NLRP2: variants seen among roughly 807,000 people sequenced by gnomAD.
NLRP2 encodes NACHT, LRR and PYD domains-containing protein 2.
Under a neutral mutation model 97.2 loss-of-function variants are expected in NLRP2, and 107 were observed. That is an observed-to-expected ratio of 1.10 (90% CI 0.94 to 1.29). The LOEUF is 1.29. Ranked by LOEUF, NLRP2 falls within the 50% of genes most tolerant of loss-of-function variation. NLRP2 has a pLI of 0.00. For missense variants in NLRP2, 1,495 were observed against 1,330.3 expected, an observed-to-expected ratio of 1.12 and a Z score of -1.93; for synonymous variants, 663 against 551.5, an observed-to-expected ratio of 1.20 and a Z score of -2.83.
At chr19:54,987,300 C>G (rs1216670388) in intron 8 of NLRP2, among the ~76,000 whole-genome samples, 2 of 152,190 alleles carry the variant, frequency 1.3e-5, no homozygotes, top group Non-Finnish European at 2.9e-5. Context: ...AAGAACCCTT[C>G]AGGAACATCA....
Position 54,994,986 on chromosome 19 carries a change from C to T in NLRP2, c.2879+547C>T, listed in dbSNP as rs974002070. Among the ~76,000 whole-genome samples, 5 of 151,616 alleles carry T rather than the reference C, an allele frequency of 3.3e-5. 1 individual carries two copies. In the South Asian group the frequency reaches 1.0e-3, roughly 32 times the overall value. On this transcript the variant is annotated intron_variant, in intron 11 of 12. Transcript: ENST00000448584. Reference sequence around the variant, plus strand: ...GGATACAGTGCCTCAAGCCATTCAGCCAAAAGCCACTGCCCAGCACCCCAC... The same window carrying T: ...GGATACAGTGCCTCAAGCCATTCAGTCAAAAGCCACTGCCCAGCACCCCAC...
At chr19:54,993,393 A>C (rs2072615504) in intron 10 of NLRP2, 1 of 152,118 alleles carries the variant, frequency 6.6e-6, no homozygotes, top group Admixed American at 6.6e-5. Context: ...CATGGGCATT[A>C]TAGTTCAAAT....
intron 4 of NLRP2, 67 bp from the exon 5 acceptor site, chr19:54,981,550 C>CT: frequency 1.8e-6 from 1 of 557,162 alleles, no homozygotes; most frequent in South Asian, 1.4e-5. Context: ...CTCCTTTTCT[C>CT]TAATTGGGAC....
In NLRP2 at chr19:54,985,142, G is replaced by A; in HGVS notation, c.2126G>A (p.Ser709Asn). 1 of 1,614,090 alleles carries A rather than the reference G, an allele frequency of 6.2e-7. No individual in the cohort carries two copies. Among genetic ancestry groups the A allele is most frequent in the Non-Finnish European group, 8.5e-7 (1 of 1,179,994 alleles). Residue 709 changes from serine to asparagine, a missense_variant, in exon 7 of 13, where the codon AGC becomes AAC. Ser to Asn is a conservative substitution (Grantham distance 46, BLOSUM62 1). Transcript: ENST00000448584. Reference sequence around the variant, plus strand: ...CTGATGGGTCTAGCAATCAATGATAGCTTTCTCAGTGCCTCCCTAGTAAGG... The same window carrying A: ...CTGATGGGTCTAGCAATCAATGATAACTTTCTCAGTGCCTCCCTAGTAAGG... ...KDLMGLAIND[S>N]FLSASLVRIL... is the part of the protein sequence containing the mutation.
In NLRP2 at chr19:54,986,512, C is replaced by T. The variant is rs563694330; in HGVS notation, c.2366+197C>T. 2.7e-4 allele frequency: 166 copies of T among 610,572 alleles called. 1 individual carries two copies. The highest frequency in any genetic ancestry group is 3.5e-4 in the Non-Finnish European group (122 of 343,732). 37.8% of individuals were successfully genotyped at this position (610,572 alleles called of 1,614,324 possible). On this transcript the variant is annotated intron_variant, in intron 8 of 12. Coordinates refer to ENST00000448584, the MANE Select transcript of NLRP2 (RefSeq NM_017852.5). ...ACAGTAAACACCCTGGACAACCATA[C>T]GTGAGGACCCTGAATCCAAAGAAAC...
At chr19:55,000,327 A>C (rs1196225072) in intron 12 of NLRP2, among the ~76,000 whole-genome samples, 1 of 107,706 alleles carries the variant, frequency 9.3e-6, no homozygotes, top group African/African-American at 3.6e-5. Flanking sequence ...CCCAGGCTGG[A>C]GTACAGTGGC....
chr19:54,980,447 G>T (rs369456475), intron 4 of NLRP2, among the ~76,000 whole-genome samples: 1 of 152,094 alleles, frequency 6.6e-6, no homozygotes, highest in Admixed American at 6.6e-5. Context: ...ACCCGCCTTG[G>T]CCTCCCAAAG....
At chr19:54,981,244 A>G (rs1485374227) in intron 4 of NLRP2, among the ~76,000 whole-genome samples, 1 of 152,038 alleles carries the variant, frequency 6.6e-6, no homozygotes, top group Non-Finnish European at 1.5e-5. Flanking sequence ...ATCTCTTACT[A>G]CAACCTCCAT....
intron 10 of NLRP2, among the ~76,000 whole-genome samples, chr19:54,991,866 T>A (rs1380756643): frequency 7.0e-6 from 1 of 142,776 alleles, no homozygotes; most frequent in Non-Finnish European, 1.5e-5. Context: ...AAAAAAAAAA[T>A]TGTATCTGCA....
intron 4 of NLRP2, among the ~76,000 whole-genome samples, chr19:54,979,655 T>G (rs911146499): frequency 1.3e-5 from 2 of 151,426 alleles, no homozygotes; most frequent in African/African-American, 4.9e-5. Context: ...CTAGCCCACA[T>G]TGACTTTTGA....
chr19:54,994,573 C>T, intron 11 of NLRP2, 134 bp downstream of exon 11: 1 of 920,892 alleles, frequency 1.1e-6, no homozygotes, highest in South Asian at 1.4e-5. Flanking sequence ...CGAGCATTTA[C>T]TAGGATGGTT....
chr19:54,983,661 C>A lies in NLRP2; in HGVS notation c.1963C>A (p.Leu655Met). 6.2e-7 allele frequency: 1 copy of A among 1,614,114 alleles called. No individual in the cohort carries two copies. The highest frequency in any genetic ancestry group is 8.5e-7 in the Non-Finnish European group (1 of 1,180,034). Residue 655 changes from leucine to methionine, a missense_variant, in exon 6 of 13, where the codon CTG becomes ATG. Physicochemically the swap from Leu to Met is conservative, Grantham distance 15 (BLOSUM62 2). Coordinates refer to ENST00000448584, the MANE Select transcript of NLRP2 (RefSeq NM_017852.5). ...KHCRNLQKMS[L>M]QVIKENLPEN... ...CTGTCGAAACCTGCAGAAAATGTCA[C>A]TGCAGGTAATAAAGGAGAATCTCCC...
intron 11 of NLRP2, among the ~76,000 whole-genome samples, 175 bp downstream of exon 11, chr19:54,994,614 TTTTG>T (rs2072704215): frequency 6.6e-6 from 1 of 151,804 alleles, no homozygotes; most frequent in Admixed American, 6.6e-5. Flanking sequence ...ATGTCTAAGT[TTTTG>T]TTTTTTTTTT....
rs1398943508 is a variant in NLRP2 at position 54,966,487 on chromosome 19, C to T, written c.-18+20C>T. 2.0e-5 allele frequency: 3 copies of T among 152,130 alleles called. No individual in the cohort carries two copies. The East Asian group carries it at 5.8e-4, about 29-fold the overall frequency. 9.4% of individuals were successfully genotyped at this position (152,130 alleles called of 1,614,324 possible). The stretch of plus-strand genomic sequence containing the variant: ...TGGGAGGTGAGTAGCTCTCCGGCAG[C>T]TCTGCAACTTCATTTCTTTATTTCT... On this transcript the variant is annotated intron_variant, in intron 1 of 12. Transcript: ENST00000448584.
intron 12 of NLRP2, among the ~76,000 whole-genome samples, chr19:54,999,823 G>T (rs1332435569): frequency 6.6e-6 from 1 of 151,962 alleles, no homozygotes; most frequent in Non-Finnish European, 1.5e-5. Flanking sequence ...TGTAACCTCC[G>T]CCTCCCAGGT....
chr19:54,997,292 CGTGTTGATTTCT>C lies in NLRP2; in HGVS notation c.2880-19_2880-8del, dbSNP rs756608977. ...CATCGATCAGCACTGGCTGCATTAA[CGTGTTGATTTCT>C]GTGTTTCCCCAGGTTGTGGGGATGT... On this transcript the variant is annotated splice_polypyrimidine_tract_variant and intron_variant, in intron 11 of 12. Coordinates refer to ENST00000448584, the MANE Select transcript of NLRP2 (RefSeq NM_017852.5). The C allele has an allele frequency of 2.5e-6, 4 of 1,611,412 alleles. No individual in the cohort carries two copies. The Admixed American group carries it at 6.7e-5, about 27-fold the overall frequency.
In NLRP2 at chr19:54,984,329, G is replaced by GTGTGTTTTTTTTTTTTT; in HGVS notation, c.2030+602_2030+603insGTGTTTTTTTTTTTTTT. Among the ~76,000 whole-genome samples the GTGTGTTTTTTTTTTTTT allele has an allele frequency of 1.1e-3, 85 of 79,670 alleles. 4 individuals are homozygous for GTGTGTTTTTTTTTTTTT. The highest frequency in any genetic ancestry group is 1.5e-3 in the Non-Finnish European group (59 of 39,962). 52.3% of individuals were successfully genotyped at this position (79,670 alleles called of 152,430 possible). ...AACTTAAGTGGGGGTTTTTTTTTGTGTTTTTTTTTTTTTTTTTTTTTTTGG... is the reference window on the plus strand; with the variant it reads ...AACTTAAGTGGGGGTTTTTTTTTGTGTGTGTTTTTTTTTTTTTTTTTTTTTTTTTTTTTTTTTTTTGG... On this transcript the variant is annotated intron_variant, in intron 6 of 12. Transcript: ENST00000448584.
chr19:54,985,493 C>T (rs747307461), intron 7 of NLRP2, among the ~76,000 whole-genome samples: 6 of 146,928 alleles, frequency 4.1e-5, no homozygotes, highest in African/African-American at 1.0e-4. Context: ...GCCTGGCCAA[C>T]GTGACAAAAC....
rs3826883 is a variant in NLRP2, at chr19:54,982,820, C to G, written c.1122C>G (p.Asp374Glu). 5.4e-5 allele frequency: 87 copies of G among 1,611,892 alleles called. No homozygotes were observed. Among genetic ancestry groups the G allele is most frequent in the African/African-American group, 4.0e-5 (3 of 74,878 alleles). ...CCTATTTCCTGAGACACTTTGGAGA[C>G]GAGGACCAAGCCATGCGTGCCTTTG... ...RRAYFLRHFGDEDQAMRAFEL... is the reference protein window; with the variant it reads ...RRAYFLRHFGEEDQAMRAFEL... Residue 374 changes from aspartate (D) to glutamate (E), a missense_variant, in exon 6 of 13, where the codon GAC (aspartate) becomes GAG (glutamate). Transcript: ENST00000448584.
Sources: gnomAD v4.1 joint callset for allele counts (sites outside exome capture counted in the v4.1 genomes callset) on GRCh38, gnomAD v4.1.1 for gene constraint, MANE v1.5 for transcripts, NCBI Gene and HGNC (gene_info 2026-07-23, HGNC 2026-07-21) for gene names.